The following HYDIN variants were observed in gnomAD, a reference collection of about 807,000 sequenced individuals.
HYDIN encodes axonemal central pair apparatus protein HYDIN.
In HYDIN, 132 loss-of-function variants were observed where a neutral mutation model predicts 403.9. The ratio of observed to expected loss-of-function variants is 0.33; its 90% CI spans 0.28 to 0.38. The LOEUF (loss-of-function observed/expected upper bound fraction) is 0.38. Ranked by LOEUF, HYDIN falls within the 10% of genes least tolerant of loss-of-function variation. HYDIN has a pLI of 1.00. For missense variants in HYDIN, 2,827 were observed against 5,009.5 expected (o/e 0.56, Z 13.15); for synonymous variants, 1,202 against 1,891.7 (o/e 0.64, Z 9.46).
chr16:71,034,191 T>C (rs1029215722), intron 18 of HYDIN, among the ~76,000 whole-genome samples: 4 of 152,220 alleles, frequency 2.6e-5, no homozygotes, highest in African/African-American at 9.6e-5. Flanking sequence ...AGCGGGGCTG[T>C]AGAGGACATT....
At chr16:70,994,559 T>C (rs1327123037) in intron 23 of HYDIN, among the ~76,000 whole-genome samples, 1 of 150,324 alleles carries the variant, frequency 6.7e-6, no homozygotes, top group East Asian at 2.0e-4. Flanking sequence ...CATGTTGGGC[T>C]GGGTGCTAAC....
Position 70,930,235 on chromosome 16 carries a change from C to T in HYDIN, c.7158+5717G>A, listed in dbSNP as rs557054816. ...GTGGCTCACGCCTGTAATCCCAGCA[C>T]TTTCAGAGGCCGAGGTGGGAGGGTC... On this transcript the variant is annotated intron_variant, in intron 45 of 85. Transcript: ENST00000393567. 9.8e-5 allele frequency among the ~76,000 whole-genome samples: 15 copies of T among 152,392 alleles called. No homozygotes were observed. In the South Asian group the frequency reaches 2.9e-3, roughly 29 times the overall value.
chr16:71,204,344 T>C (rs1049511699), intron 1 of HYDIN, among the ~76,000 whole-genome samples: 3 of 152,220 alleles, frequency 2.0e-5, no homozygotes, highest in Admixed American at 6.5e-5. Context: ...GATTTACTCA[T>C]TGACACTTCC....
At chr16:70,957,132 C>T (rs2078266283) in intron 39 of HYDIN, among the ~76,000 whole-genome samples, 2 of 151,642 alleles carry the variant, frequency 1.3e-5, no homozygotes, top group South Asian at 4.2e-4. Flanking sequence ...CTATAACTCC[C>T]CAGTACCCAC....
intron 67 of HYDIN, chr16:70,865,389 T>C (rs1002922656): frequency 2.4e-6 from 1 of 414,344 alleles, no homozygotes; most frequent in Non-Finnish European, 4.9e-6. Context: ...CTCCTGTTTC[T>C]ATCTGTCCCC....
At position 71,199,960 on chromosome 16, in the gene HYDIN, G is replaced by A. The variant is rs759648413; in HGVS notation, c.-23-13042C>T. Among the ~76,000 whole-genome samples the A allele has an allele frequency of 1.4e-4, 22 of 152,160 alleles. 1 individual carries two copies. Among genetic ancestry groups the A allele is most frequent in the Non-Finnish European group, 2.4e-4 (16 of 68,034 alleles). On this transcript the variant is annotated intron_variant, in intron 1 of 85. Coordinates refer to ENST00000393567, the MANE Select transcript of HYDIN (RefSeq NM_001270974.2). ...CAGTCTAAGTCACAGGATGAGACAGGAGGTCAGCACAAGATACAGGTCATA... is the reference window on the plus strand; with the variant it reads ...CAGTCTAAGTCACAGGATGAGACAGAAGGTCAGCACAAGATACAGGTCATA...
intron 1 of HYDIN, chr16:71,203,931 G>A (rs1170926021): frequency 2.5e-6 from 1 of 399,946 alleles, no homozygotes; most frequent in African/African-American, 2.1e-5. Context: ...TGTGCATGGT[G>A]GTGCACACCT....
intron 9 of HYDIN, among the ~76,000 whole-genome samples, chr16:71,119,977 T>C (rs539718291): frequency 6.6e-6 from 1 of 151,922 alleles, no homozygotes; most frequent in East Asian, 1.9e-4. Context: ...AGTTCTAACA[T>C]TTCTGAAAAT....
intron 10 of HYDIN, among the ~76,000 whole-genome samples, chr16:71,102,125 A>G (rs1408066762): frequency 3.9e-5 from 6 of 152,180 alleles, no homozygotes; most frequent in Middle Eastern, 3.4e-3. Flanking sequence ...ATACCCACAT[A>G]TGGCTAAAAA....
At chr16:70,931,005 T>C (rs1439515280) in intron 45 of HYDIN, among the ~76,000 whole-genome samples, 2 of 152,010 alleles carry the variant, frequency 1.3e-5, no homozygotes, top group Non-Finnish European at 2.9e-5. Flanking sequence ...TATGCAGCTA[T>C]TATAACTATG....
intron 45 of HYDIN, among the ~76,000 whole-genome samples, chr16:70,930,580 C>T (rs1049676981): frequency 3.3e-5 from 5 of 152,078 alleles, no homozygotes; most frequent in African/African-American, 9.7e-5. Flanking sequence ...AAAGGGAAAC[C>T]CCAGAAAGGA....
At chr16:71,185,503 C>T (rs531083509) in intron 2 of HYDIN, among the ~76,000 whole-genome samples, 27 of 152,248 alleles carry the variant, frequency 1.8e-4, no homozygotes, top group African/African-American at 6.5e-4. Context: ...AGTGTGACTA[C>T]ATCACTTAGG....
At chr16:71,027,037 T>C (rs1013213623) in intron 20 of HYDIN, 17 of 683,520 alleles carry the variant, frequency 2.5e-5, no homozygotes, top group East Asian at 2.7e-4. Context: ...GAAACACTCA[T>C]GATTTGGATC....
At position 70,808,030 on chromosome 16, in the gene HYDIN, G is replaced by A. The variant is rs1400864815; in HGVS notation, c.14916C>T (p.Leu4972=). 1 of 1,613,166 alleles carries A rather than the reference G, an allele frequency of 6.2e-7. No individual in the cohort carries two copies. The highest frequency in any genetic ancestry group is 1.1e-5 in the South Asian group (1 of 90,986). Residue 4972 remains leucine, a synonymous_variant, in exon 86 of 86, where the codon CTC becomes CTT. Transcript: ENST00000393567. ...CCTGGCCTCCTGGGGCTGCATTAAT[G>A]AGTTTTTCTGCGTGGAAGTCTGTAC... ...TDCTDFHAEK[L]INAAPGGQGG...
At chr16:71,145,624 G>C (rs935600364) in intron 7 of HYDIN, among the ~76,000 whole-genome samples, 2 of 152,062 alleles carry the variant, frequency 1.3e-5, no homozygotes, top group Non-Finnish European at 2.9e-5. Flanking sequence ...ATGTAAGTAT[G>C]GGTGTCATTC....
At chr16:70,962,488 C>A (rs2078448514) in intron 37 of HYDIN, among the ~76,000 whole-genome samples, 1 of 152,172 alleles carries the variant, frequency 6.6e-6, no homozygotes, top group South Asian at 2.1e-4. Flanking sequence ...TTTTATCATA[C>A]CAGCACAGGA....
chr16:71,060,116 T>A (rs1658278815), intron 18 of HYDIN, among the ~76,000 whole-genome samples: 1 of 151,710 alleles, frequency 6.6e-6, no homozygotes, highest in Non-Finnish European at 1.5e-5. Context: ...AAAAAGTGTT[T>A]TTTTGAGGGC....
At chr16:70,931,972 C>T (rs2077351229) in intron 45 of HYDIN, among the ~76,000 whole-genome samples, 1 of 118,618 alleles carries the variant, frequency 8.4e-6, no homozygotes, top group African/African-American at 3.2e-5. Flanking sequence ...GATCCCACCA[C>T]TGCACTGTAG....
intron 13 of HYDIN, among the ~76,000 whole-genome samples, chr16:71,076,275 A>C (rs995635313): frequency 3.4e-5 from 5 of 147,820 alleles, no homozygotes; most frequent in Non-Finnish European, 7.4e-5. Flanking sequence ...ACATGTAATC[A>C]ATAGTATTTT....
Sources: allele counts gnomAD v4.1 joint callset (sites outside exome capture counted in the v4.1 genomes callset), GRCh38; gene constraint gnomAD v4.1.1; transcripts MANE v1.5; gene names NCBI Gene and HGNC (gene_info 2026-07-23, HGNC 2026-07-21).